The following GTF2IRD2 variants were observed in gnomAD, a reference collection of about 807,000 sequenced individuals.
GTF2IRD2 encodes the protein general transcription factor II-I repeat domain-containing protein 2A.
GTF2IRD2 carries 8 observed loss-of-function variants against 49.2 expected under a neutral mutation model. The observed-to-expected ratio is 0.16, with a 90% CI of 0.10 to 0.29. The LOEUF is 0.29. GTF2IRD2 is among the 10% of genes least tolerant of loss of function. The probability of loss-of-function intolerance (pLI) is 1.00; values close to 1 mark genes in which losing one functional copy is unlikely to be tolerated. For synonymous variants in GTF2IRD2, 47 were observed against 289.7 expected, an observed-to-expected ratio of 0.16 and a Z score of 8.51; for missense variants, 130 against 725.7, an observed-to-expected ratio of 0.18 and a Z score of 9.43.
intron 3 of GTF2IRD2, among the ~76,000 whole-genome samples, chr7:74,831,322 C>G (rs1248755678): frequency 6.7e-6 from 1 of 149,288 alleles, no homozygotes; most frequent in Non-Finnish European, 1.5e-5. Context: ...ATATATAATT[C>G]CTCTCTCTTA....
At chr7:74,813,397 AAG>A (rs1357789483) in intron 8 of GTF2IRD2, among the ~76,000 whole-genome samples, 2 of 44,952 alleles carry the variant, frequency 4.4e-5, no homozygotes, top group African/African-American at 1.4e-4. Flanking sequence ...AAAAAAAAAA[AAG>A]AAAGGAAGGA....
chr7:74,822,206 C>G (rs1798963104), intron 6 of GTF2IRD2: 8 of 410,766 alleles, frequency 1.9e-5, no homozygotes, highest in South Asian at 1.4e-4. Flanking sequence ...GCCACCACGC[C>G]CGGCTAATTT....
intron 3 of GTF2IRD2, among the ~76,000 whole-genome samples, chr7:74,830,178 G>A: frequency 1.1e-5 from 1 of 94,108 alleles, no homozygotes; most frequent in African/African-American, 3.3e-5. Context: ...ACCAGACTGG[G>A]TAATATAGCA....
At chr7:74,823,189 T>G in intron 4 of GTF2IRD2, among the ~76,000 whole-genome samples, 1 of 35,464 alleles carries the variant, frequency 2.8e-5, no homozygotes, top group Non-Finnish European at 5.1e-5. Context: ...GTTTTTTTTG[T>G]TTTTGTTTTT....
intron 3 of GTF2IRD2, among the ~76,000 whole-genome samples, chr7:74,826,750 T>C (rs1168369475): frequency 5.0e-4 from 59 of 118,728 alleles, no homozygotes; most frequent in African/African-American, 1.1e-3. Flanking sequence ...CTTACTCTGT[T>C]GCCTAAGCTG....
intron 8 of GTF2IRD2, among the ~76,000 whole-genome samples, chr7:74,815,810 GA>G (rs1304840233): frequency 3.8e-5 from 3 of 78,144 alleles, no homozygotes; most frequent in African/African-American, 1.0e-4. Context: ...AAGAAAGAAA[GA>G]AAGAAAGAAA....
chr7:74,832,409 G>GAAA (rs1406903531), intron 3 of GTF2IRD2, among the ~76,000 whole-genome samples: 3 of 43,096 alleles, frequency 7.0e-5, no homozygotes, highest in African/African-American at 3.0e-4. Context: ...AAAAAATAAA[G>GAAA]AAAAAAAGAA....
Position 74,836,231 on chromosome 7 carries a change from C to T in GTF2IRD2, c.99+49G>A, listed in dbSNP as rs782399571. 4.6e-5 allele frequency: 74 copies of T among 1,599,842 alleles called. No individual in the cohort carries two copies. In the South Asian group the frequency reaches 6.6e-4, roughly 14 times the overall value. On this transcript the variant is annotated intron_variant, in intron 2 of 15. Coordinates refer to ENST00000451013, the MANE Select transcript of GTF2IRD2 (RefSeq NM_173537.5). ...GAAGTGTTTCATGATTCTGTCATTT[C>T]GACAATGATCCATCTATGGAATGTC... is the stretch of plus-strand genomic sequence containing the variant.
At chr7:74,839,936 G>T (rs1554421534) in intron 1 of GTF2IRD2, among the ~76,000 whole-genome samples, 1 of 145,820 alleles carries the variant, frequency 6.9e-6, no homozygotes, top group African/African-American at 2.6e-5. Context: ...GAAGGCGGAG[G>T]TTGCAGTGAG....
rs1309145931 is a variant in GTF2IRD2 at position 74,796,440 on chromosome 7, T to G, written c.*222A>C. 2 of 527,170 alleles carry G rather than the reference T, an allele frequency of 3.8e-6. No individual in the cohort carries two copies. The highest frequency in any genetic ancestry group is 6.8e-6 in the Non-Finnish European group (2 of 292,452). The allele number at this position is 527,170 out of a possible 1,614,324, so 32.7% of individuals were successfully genotyped here. A position where few individuals can be genotyped will look rare whatever the true frequency, so the allele number is the denominator to read the frequency against. ...AGCCAGGCATGGTGGCGCACGCCTG[T>G]AGTCCCAGCTGCTCGGGAGGCTGAG... On this transcript the variant is annotated 3_prime_UTR_variant, in exon 16 of 16. Coordinates refer to ENST00000451013, the MANE Select transcript of GTF2IRD2 (RefSeq NM_173537.5).
intron 6 of GTF2IRD2, 138 bp downstream of exon 6, chr7:74,822,289 A>T: frequency 7.6e-7 from 1 of 1,316,592 alleles, no homozygotes; most frequent in Non-Finnish European, 1.1e-6. Context: ...GACCTTTGTG[A>T]TCCACCTGCC....
chr7:74,825,421 AT>A (rs1437301841), intron 3 of GTF2IRD2, among the ~76,000 whole-genome samples: 2 of 111,850 alleles, frequency 1.8e-5, no homozygotes, highest in Non-Finnish European at 1.8e-5. Context: ...TAACTTTTAA[AT>A]TTTTTTTAGA....
Position 74,850,553 on chromosome 7 carries a change from G to T in GTF2IRD2, c.-6+814C>A, listed in dbSNP as rs1243425261. On this transcript the variant is annotated intron_variant, in intron 1 of 15. Transcript: ENST00000451013. ...TCCACGGAGACAAAAGTGATTGCCAGGGGCTGGGGATAGGGACGGGGTGGG... is the reference window on the plus strand; with the variant it reads ...TCCACGGAGACAAAAGTGATTGCCATGGGCTGGGGATAGGGACGGGGTGGG... Among the ~76,000 whole-genome samples the T allele has an allele frequency of 7.8e-5, 4 of 51,072 alleles. 2 individuals carry two copies. The highest frequency in any genetic ancestry group is 1.6e-4 in the Non-Finnish European group (4 of 25,004). The allele number at this position is 51,072 out of a possible 152,430, so 33.5% of individuals were successfully genotyped here.
At chr7:74,821,987 A>C (rs2718246) in intron 6 of GTF2IRD2, 127 of 288,658 alleles carry the variant, frequency 4.4e-4, no homozygotes, top group Non-Finnish European at 7.4e-4. Context: ...TGTGTGCCAC[A>C]ATGGCTTGCT....
chr7:74,842,899 G>A (rs1422295297), intron 1 of GTF2IRD2, among the ~76,000 whole-genome samples: 2 of 133,806 alleles, frequency 1.5e-5, no homozygotes, highest in African/African-American at 3.1e-5. Context: ...TATATGAATT[G>A]TATCTCAATA....
At position 74,796,978 on chromosome 7, in the gene GTF2IRD2, C is replaced by A. The variant is rs782225841; in HGVS notation, c.2534G>T (p.Ser845Ile). The A allele has an allele frequency of 4.8e-6, 3 of 627,138 alleles. No homozygotes were observed. In the East Asian group the frequency reaches 8.7e-5, roughly 18 times the overall value. The allele number at this position is 627,138 out of a possible 1,614,324, so 38.8% of individuals were successfully genotyped here. Residue 845 changes from serine (S) to isoleucine (I), a missense_variant, in exon 16 of 16, where the codon AGC (serine) becomes ATC (isoleucine). Ser to Ile is a moderately radical substitution (Grantham distance 142, BLOSUM62 -2). Transcript: ENST00000451013. ...KRLSDFKLYE[S>I]ELTLFSSPFS... ...CGGGGAGCTGAACAGAGTCAGTTCG[C>A]TTTCGTAGAGTTTGAAATCAGACAG...
intron 3 of GTF2IRD2, among the ~76,000 whole-genome samples, chr7:74,830,341 A>G (rs1441891209): frequency 6.9e-6 from 1 of 145,638 alleles, no homozygotes; most frequent in East Asian, 2.0e-4. Flanking sequence ...TGTCTCTACT[A>G]AAAAATACAA....
chr7:74,815,818 GA>G (rs1798477196), intron 8 of GTF2IRD2, among the ~76,000 whole-genome samples: 9 of 98,356 alleles, frequency 9.2e-5, no homozygotes, highest in Non-Finnish European at 1.7e-4. Context: ...AAGAAAGAAA[GA>G]AAGAAAGAAA....
At chr7:74,829,891 A>AAAACAAAAAAAC (rs1176951187) in intron 3 of GTF2IRD2, among the ~76,000 whole-genome samples, 33 of 134,216 alleles carry the variant, frequency 2.5e-4, no homozygotes, top group African/African-American at 5.2e-4. Flanking sequence ...CTGTCTCAAA[A>AAAACAAAAAAAC]AAAAAAAAAA....
Sources: gnomAD v4.1 joint callset for allele counts (sites outside exome capture counted in the v4.1 genomes callset) on GRCh38, gnomAD v4.1.1 for gene constraint, MANE v1.5 for transcripts, NCBI Gene and HGNC (gene_info 2026-07-23, HGNC 2026-07-21) for gene names.